SV2C: variants seen among roughly 807,000 people sequenced by gnomAD.
The protein encoded by SV2C is synaptic vesicle glycoprotein 2C, also known as solute carrier family 22 member B3.
SV2C carries 49 observed loss-of-function variants against 79.7 expected under a neutral mutation model. The observed-to-expected ratio is 0.61, with a 90% confidence interval of 0.49 to 0.78. The LOEUF (loss-of-function observed/expected upper bound fraction) is 0.78, where lower values mean the gene tolerates loss of function less well. Ranked by LOEUF, SV2C falls within the 30% of genes least tolerant of loss-of-function variation. The pLI is 0.00. For synonymous variants in SV2C, 334 were observed against 333.2 expected (o/e 1.00, Z -0.03); for missense variants, 833 against 912.9 (o/e 0.91, Z 1.13).
At chr5:76,001,632 G>GA in the SV2C span, among the ~76,000 whole-genome samples, 2 of 152,080 alleles carry the variant, frequency 1.3e-5, no homozygotes, top group African/African-American at 4.8e-5. Flanking sequence ...TGGCTCCTGG[G>GA]AAAAAGGAAA....
the SV2C span, among the ~76,000 whole-genome samples, chr5:75,970,193 T>C: frequency 1.3e-5 from 2 of 151,938 alleles, no homozygotes; most frequent in African/African-American, 2.4e-5. Flanking sequence ...GGGAAATGTA[T>C]AGCACTAAAT....
chr5:76,288,319 G>T (rs116395082), intron 6 of SV2C, among the ~76,000 whole-genome samples: 1,898 of 152,180 alleles, frequency 0.012, 12 homozygotes, highest in Non-Finnish European at 0.02. Flanking sequence ...AAGATAAACT[G>T]CAATTTGGCC....
the SV2C span, among the ~76,000 whole-genome samples, chr5:75,963,583 A>G: frequency 7.8e-4 from 118 of 152,052 alleles, 1 homozygote; most frequent in Non-Finnish European, 2.5e-4. Context: ...AAGCTTTTAT[A>G]TATTTTTTAC....
At chr5:75,882,412 A>G in the SV2C span, among the ~76,000 whole-genome samples, 1 of 149,000 alleles carries the variant, frequency 6.7e-6, no homozygotes, top group Admixed American at 6.7e-5. Context: ...TAAAGTTCAT[A>G]TGGAACCAAA....
At chr5:75,901,919 G>A in the SV2C span, among the ~76,000 whole-genome samples, 3 of 152,224 alleles carry the variant, frequency 2.0e-5, no homozygotes, top group Admixed American at 2.0e-4. Flanking sequence ...CTTCTGGTGC[G>A]CCATTTTTTA....
chr5:75,968,704 T>C, the SV2C span, among the ~76,000 whole-genome samples: 1 of 152,208 alleles, frequency 6.6e-6, no homozygotes, highest in Non-Finnish European at 1.5e-5. Context: ...GTCTGATTGG[T>C]GTACCTGAAA....
At chr5:75,922,819 G>A in the SV2C span, among the ~76,000 whole-genome samples, 1 of 152,222 alleles carries the variant, frequency 6.6e-6, no homozygotes, top group Admixed American at 6.5e-5. Context: ...ACATGGAGAA[G>A]AGCCACCAAA....
At chr5:76,149,945 C>T (rs1323685902) in intron 2 of SV2C, among the ~76,000 whole-genome samples, 4 of 152,180 alleles carry the variant, frequency 2.6e-5, no homozygotes. Flanking sequence ...CTCCTAGCTG[C>T]ATGAAATTAA....
chr5:76,126,255 C>T (rs921985416), intron 1 of SV2C, among the ~76,000 whole-genome samples: 3 of 152,104 alleles, frequency 2.0e-5, no homozygotes, highest in African/African-American at 4.8e-5. Context: ...GAAAGGAAAT[C>T]GTTTCATGAA....
At chr5:76,109,721 C>T (rs1480318030) in intron 1 of SV2C, among the ~76,000 whole-genome samples, 1 of 152,154 alleles carries the variant, frequency 6.6e-6, no homozygotes, top group Admixed American at 6.5e-5. Context: ...AATGCCAAGG[C>T]TTGCTGGCCA....
At chr5:76,135,475 G>T (rs1749036126) in intron 2 of SV2C, among the ~76,000 whole-genome samples, 1 of 152,196 alleles carries the variant, frequency 6.6e-6, no homozygotes. Flanking sequence ...GCCAGAGAAA[G>T]GAGCAGCCAG....
At chr5:76,351,373 A>G (rs989108815) in intron 12 of SV2C, among the ~76,000 whole-genome samples, 2 of 151,782 alleles carry the variant, frequency 1.3e-5, no homozygotes, top group Admixed American at 6.6e-5. Flanking sequence ...GCTTGAGCCC[A>G]GGTGGTTGAG....
rs879206327 is a variant in SV2C, at chr5:76,174,343, T to C, written c.581-20576T>C. Among the ~76,000 whole-genome samples the C allele has an allele frequency of 1.5e-4, 23 of 152,394 alleles. No homozygotes were observed. The South Asian group carries it at 4.8e-3, about 32-fold the overall frequency. Reference sequence around the variant, plus strand: ...TCCGGCTGGTTTACACGCCTGAATCTGGGCGAGGTTTTCTCAATCCTATTT... The same window carrying C: ...TCCGGCTGGTTTACACGCCTGAATCCGGGCGAGGTTTTCTCAATCCTATTT... On this transcript the variant is annotated intron_variant, in intron 2 of 12. Coordinates refer to ENST00000502798, the MANE Select transcript of SV2C (RefSeq NM_014979.4).
intron 2 of SV2C, among the ~76,000 whole-genome samples, chr5:76,156,283 A>G (rs941647969): frequency 6.6e-6 from 1 of 152,174 alleles, no homozygotes; most frequent in Non-Finnish European, 1.5e-5. Flanking sequence ...GTAGCTGTGG[A>G]CATACCCAAG....
At chr5:76,242,461 T>TA (rs959168662) in intron 4 of SV2C, 2 of 561,268 alleles carry the variant, frequency 3.6e-6, no homozygotes, top group African/African-American at 3.8e-5. Flanking sequence ...GTGCTGTGAT[T>TA]ACAGGCATGA....
At chr5:75,930,650 G>A in the SV2C span, among the ~76,000 whole-genome samples, 2 of 152,144 alleles carry the variant, frequency 1.3e-5, no homozygotes, top group South Asian at 2.1e-4. Context: ...GAAAATTGAT[G>A]ATATGGAAGT....
chr5:76,068,250 C>T, the SV2C span, among the ~76,000 whole-genome samples: 3 of 152,048 alleles, frequency 2.0e-5, no homozygotes, highest in Non-Finnish European at 4.4e-5. Context: ...TCTAAAGAGT[C>T]AGGAGTGGGT....
At chr5:75,850,179 T>C in the SV2C span, among the ~76,000 whole-genome samples, 1 of 152,192 alleles carries the variant, frequency 6.6e-6, no homozygotes, top group Non-Finnish European at 1.5e-5. Context: ...CATCAAGCTG[T>C]TCATAAGCAG....
chr5:76,079,481 T>A, upstream of SV2C: 1 of 283,558 alleles, frequency 3.5e-6, no homozygotes, highest in Non-Finnish European at 7.2e-6. Context: ...AGAATTGGAT[T>A]GTGTGACTAA....
Sources: allele counts gnomAD v4.1 joint callset (sites outside exome capture counted in the v4.1 genomes callset), GRCh38; gene constraint gnomAD v4.1.1; transcripts MANE v1.5; gene names NCBI Gene and HGNC (gene_info 2026-07-23, HGNC 2026-07-21).